Variants in SLC9A9 observed in about 807,000 individuals in gnomAD.
The protein encoded by SLC9A9 is solute carrier family 9 member A9.
A neutral mutation model predicts 77.8 loss-of-function variants in SLC9A9; 62 were observed. That is an observed-to-expected ratio of 0.80 (90% CI 0.65 to 0.98). SLC9A9 has a LOEUF of 0.98. SLC9A9 is among the 50% of genes least tolerant of loss of function. SLC9A9 has a pLI of 0.00. For missense variants in SLC9A9, 775 were observed against 774.9 expected, an observed-to-expected ratio of 1.00 and a Z score of 0.00; for synonymous variants, 320 against 283.5, an observed-to-expected ratio of 1.13 and a Z score of -1.29.
chr3:143,620,059 G>C (rs2038175188), intron 6 of SLC9A9, among the ~76,000 whole-genome samples: 1 of 152,172 alleles, frequency 6.6e-6, no homozygotes, highest in African/African-American at 2.4e-5. Flanking sequence ...GAGAGGCTGA[G>C]AGAATCCTTC....
At chr3:143,717,329 G>T (rs775899477) in intron 4 of SLC9A9, among the ~76,000 whole-genome samples, 12 of 152,164 alleles carry the variant, frequency 7.9e-5, no homozygotes, top group African/African-American at 1.4e-4. Context: ...TAAGGTCAAG[G>T]TCATTTCCTA....
chr3:143,635,953 T>C (rs1179941100), intron 6 of SLC9A9, among the ~76,000 whole-genome samples: 1 of 152,224 alleles, frequency 6.6e-6, no homozygotes, highest in African/African-American at 2.4e-5. Context: ...TTTTCTTAGT[T>C]TTAGTTTGTT....
chr3:143,546,857 C>T (rs1014752418), intron 9 of SLC9A9, among the ~76,000 whole-genome samples: 1 of 152,226 alleles, frequency 6.6e-6, no homozygotes, highest in Admixed American at 6.5e-5. Context: ...GCGATCACCT[C>T]ATTTCTCTGC....
At chr3:143,567,661 G>A (rs2108651929) in intron 8 of SLC9A9, among the ~76,000 whole-genome samples, 1 of 152,242 alleles carries the variant, frequency 6.6e-6, no homozygotes, top group Non-Finnish European at 1.5e-5. Flanking sequence ...GAGATGAGGT[G>A]GCTGCAAATG....
chr3:143,345,465 T>C (rs1172927774), intron 14 of SLC9A9, among the ~76,000 whole-genome samples: 2 of 152,174 alleles, frequency 1.3e-5, no homozygotes, highest in Admixed American at 6.5e-5. Context: ...CTGAAAAATA[T>C]CCATCTGGTT....
intron 4 of SLC9A9, among the ~76,000 whole-genome samples, chr3:143,783,999 T>C (rs61348265): frequency 6.6e-6 from 1 of 152,288 alleles, no homozygotes; most frequent in South Asian, 2.1e-4. Context: ...CACACACAGA[T>C]GCAAACCAGA....
At chr3:143,585,282 C>T (rs148201047) in intron 6 of SLC9A9, among the ~76,000 whole-genome samples, 177 of 152,276 alleles carry the variant, frequency 1.2e-3, no homozygotes, top group African/African-American at 4.0e-3. Context: ...CCCTCTGAGC[C>T]TCACCTGAGA....
chr3:143,628,277 G>A (rs903269386), intron 6 of SLC9A9, among the ~76,000 whole-genome samples: 38 of 152,254 alleles, frequency 2.5e-4, no homozygotes, highest in African/African-American at 8.2e-4. Flanking sequence ...TGAAAATATC[G>A]TTAAGTTGAA....
chr3:143,668,922 G>GATA (rs2039117163), intron 5 of SLC9A9, among the ~76,000 whole-genome samples: 2 of 152,136 alleles, frequency 1.3e-5, no homozygotes, highest in Non-Finnish European at 2.9e-5. Context: ...GTCAATTCTT[G>GATA]TCCTTTCTTG....
At chr3:143,640,676 CA>C (rs1345359161) in intron 6 of SLC9A9, among the ~76,000 whole-genome samples, 1 of 152,070 alleles carries the variant, frequency 6.6e-6, no homozygotes, top group African/African-American at 2.4e-5. Flanking sequence ...GCCTAAGCAA[CA>C]TGGTGAAACC....
chr3:143,552,550 G>C (rs2108639253), intron 8 of SLC9A9, 100 bp from the exon 9 acceptor site: 1 of 932,136 alleles, frequency 1.1e-6, no homozygotes, highest in Non-Finnish European at 1.7e-6. Context: ...GGTGTCAGTA[G>C]AGTTAAAACT....
At chr3:143,495,526 G>C in intron 9 of SLC9A9, 78 bp from the exon 10 acceptor site, 1 of 1,078,450 alleles carries the variant, frequency 9.3e-7, no homozygotes, top group Non-Finnish European at 1.4e-6. Context: ...AACTGTATTT[G>C]ACAACTGACT....
chr3:143,528,760 A>T (rs953550824), intron 9 of SLC9A9, among the ~76,000 whole-genome samples: 1 of 151,914 alleles, frequency 6.6e-6, no homozygotes, highest in Non-Finnish European at 1.5e-5. Flanking sequence ...CCTTCTATAC[A>T]TTAACTCATG....
In SLC9A9 at chr3:143,766,274, A is replaced by G. The variant is rs191741637; in HGVS notation, c.533+28727T>C. ...TTAGAATATAGGATAGATGGGAGTC[A>G]GAGAAAACAAAGGTGAGAAAGTGCC... On this transcript the variant is annotated intron_variant, in intron 4 of 15. Transcript: ENST00000316549. Among the ~76,000 whole-genome samples the G allele has an allele frequency of 1.6e-3, 251 of 152,344 alleles. No homozygotes were observed. The Middle Eastern group carries it at 0.017, about 10-fold the overall frequency.
intron 5 of SLC9A9, among the ~76,000 whole-genome samples, chr3:143,671,812 G>A (rs1474087569): frequency 6.6e-6 from 1 of 152,192 alleles, no homozygotes; most frequent in Non-Finnish European, 1.5e-5. Flanking sequence ...CTAGAAGCCT[G>A]CTGGCTTCAG....
chr3:143,305,011 C>T (rs538354876), intron 14 of SLC9A9, among the ~76,000 whole-genome samples: 15 of 152,224 alleles, frequency 9.9e-5, no homozygotes, highest in South Asian at 6.2e-4. Flanking sequence ...GATATCTGAA[C>T]GTGAACCAGA....
intron 14 of SLC9A9, among the ~76,000 whole-genome samples, chr3:143,303,499 A>T (rs927918363): frequency 2.6e-5 from 4 of 152,012 alleles, no homozygotes; most frequent in African/African-American, 9.7e-5. Context: ...CTTGCATGAG[A>T]GGCAGCAAGA....
chr3:143,421,881 C>A (rs2034303166), intron 12 of SLC9A9, among the ~76,000 whole-genome samples: 1 of 152,098 alleles, frequency 6.6e-6, no homozygotes, highest in South Asian at 2.1e-4. Context: ...GGAACTTAAA[C>A]AACCAAACAA....
At chr3:143,453,843 T>C (rs2035047440) in intron 12 of SLC9A9, among the ~76,000 whole-genome samples, 1 of 152,160 alleles carries the variant, frequency 6.6e-6, no homozygotes, top group African/African-American at 2.4e-5. Flanking sequence ...AAATTTCACA[T>C]TGAAATTTAA....
Sources: allele counts gnomAD v4.1 joint callset (sites outside exome capture counted in the v4.1 genomes callset), GRCh38; gene constraint gnomAD v4.1.1; transcripts MANE v1.5; gene names NCBI Gene and HGNC (gene_info 2026-07-23, HGNC 2026-07-21).